MAP4K5: variants seen among roughly 807,000 people sequenced by gnomAD.
MAP4K5 encodes the protein MAPK/ERK kinase kinase kinase 5.
MAP4K5 carries 82 observed loss-of-function variants against 135.6 expected under a neutral mutation model. The observed-to-expected ratio is 0.60, with a 90% CI of 0.51 to 0.73. The LOEUF (loss-of-function observed/expected upper bound fraction) is 0.73. MAP4K5 is among the 30% of genes least tolerant of loss of function. MAP4K5 has a pLI of 0.00. For synonymous variants in MAP4K5, 347 were observed against 335.0 expected (o/e 1.04, Z -0.39); for missense variants, 907 against 1,010.9 (o/e 0.90, Z 1.39).
intron 23 of MAP4K5, 125 bp from the exon 24 acceptor site, chr14:50,438,219 T>G (rs2036143144): frequency 1.9e-6 from 1 of 532,418 alleles, no homozygotes; most frequent in Non-Finnish European, 3.4e-6. Context: ...ACAGATAATT[T>G]TAATTCAGAA....
chr14:50,549,042 G>C (rs1481857223), intron 1 of MAP4K5, among the ~76,000 whole-genome samples: 1 of 152,058 alleles, frequency 6.6e-6, no homozygotes, highest in Non-Finnish European at 1.5e-5. Context: ...ACAACAAAGG[G>C]GTGCCCTGTG....
At chr14:50,432,178 T>C (rs1274287408) in intron 28 of MAP4K5, among the ~76,000 whole-genome samples, 2 of 152,246 alleles carry the variant, frequency 1.3e-5, no homozygotes, top group Non-Finnish European at 2.9e-5. Flanking sequence ...TAAATCAGAC[T>C]GAGCCTAAAA....
chr14:50,481,981 C>T (rs984739565), intron 6 of MAP4K5, among the ~76,000 whole-genome samples: 4 of 152,148 alleles, frequency 2.6e-5, no homozygotes, highest in South Asian at 2.1e-4. Flanking sequence ...TTGAAGGGAA[C>T]GCTTAGACAA....
At chr14:50,499,009 C>T (rs939861177) in intron 3 of MAP4K5, among the ~76,000 whole-genome samples, 3 of 151,796 alleles carry the variant, frequency 2.0e-5, no homozygotes, top group Non-Finnish European at 4.4e-5. Flanking sequence ...ATTAGCATAC[C>T]ATCATATTTT....
intron 8 of MAP4K5, 123 bp from the exon 9 acceptor site, chr14:50,475,272 A>T: frequency 1.4e-6 from 1 of 702,976 alleles, no homozygotes; most frequent in Admixed American, 2.2e-5. Flanking sequence ...ATGCGCATAA[A>T]TTGAATACCT....
chr14:50,504,911 T>A, intron 2 of MAP4K5, 54 bp from the exon 3 acceptor site: 3 of 1,112,762 alleles, frequency 2.7e-6, no homozygotes, highest in Non-Finnish European at 3.9e-6. Flanking sequence ...GTTAATTACA[T>A]TAAAATTACT....
intron 1 of MAP4K5, among the ~76,000 whole-genome samples, chr14:50,557,474 C>A (rs945063386): frequency 1.1e-4 from 16 of 152,156 alleles, no homozygotes; most frequent in Non-Finnish European, 8.8e-5. Context: ...CCTCATTTAA[C>A]ATTGTATTCT....
chr14:50,474,868 G>C (rs1344776800), intron 9 of MAP4K5, among the ~76,000 whole-genome samples: 8 of 152,202 alleles, frequency 5.3e-5, no homozygotes, highest in Non-Finnish European at 1.5e-5. Flanking sequence ...CACAGGGATA[G>C]TAAAAATTAT....
chr14:50,506,232 G>A (rs2037807025), intron 2 of MAP4K5, among the ~76,000 whole-genome samples: 1 of 152,198 alleles, frequency 6.6e-6, no homozygotes, highest in Admixed American at 6.5e-5. Flanking sequence ...ATAAAGTAGG[G>A]AAGAGTGCCT....
At chr14:50,496,251 G>A (rs180989809) in intron 3 of MAP4K5, among the ~76,000 whole-genome samples, 20 of 152,068 alleles carry the variant, frequency 1.3e-4, no homozygotes, top group East Asian at 3.9e-4. Flanking sequence ...GCTTGATCCC[G>A]GGAGGTGGAG....
chr14:50,444,803 A>G (rs1205121901), intron 18 of MAP4K5, among the ~76,000 whole-genome samples: 2 of 152,200 alleles, frequency 1.3e-5, no homozygotes, highest in African/African-American at 4.8e-5. Context: ...CCTATAATAA[A>G]TATTTAGTAA....
At chr14:50,556,045 G>A (rs1032140398) in intron 1 of MAP4K5, among the ~76,000 whole-genome samples, 14 of 152,096 alleles carry the variant, frequency 9.2e-5, no homozygotes, top group Non-Finnish European at 1.5e-5. Flanking sequence ...GTAACATCCC[G>A]GAAGAGTCAG....
intron 13 of MAP4K5, among the ~76,000 whole-genome samples, chr14:50,462,328 C>G (rs1043583895): frequency 2.0e-5 from 3 of 152,144 alleles, no homozygotes; most frequent in Non-Finnish European, 4.4e-5. Context: ...AAAGGGAAAG[C>G]ACCTCTGCAT....
intron 3 of MAP4K5, among the ~76,000 whole-genome samples, chr14:50,490,123 G>C (rs1057447777): frequency 5.0e-5 from 5 of 99,854 alleles, no homozygotes; most frequent in African/African-American, 2.1e-4. Flanking sequence ...GACAGAGAGC[G>C]AGTGAGAGTG....
intron 5 of MAP4K5, among the ~76,000 whole-genome samples, chr14:50,483,837 C>CATTTATTTATTTATTT (rs72048369): frequency 8.3e-5 from 12 of 144,296 alleles, no homozygotes; most frequent in South Asian, 4.5e-4. Flanking sequence ...ACAGCAATTC[C>CATTTATTTATTTATTT]ATTTATTTAT....
intron 13 of MAP4K5, among the ~76,000 whole-genome samples, chr14:50,457,493 A>G (rs1252150924): frequency 6.6e-6 from 1 of 152,142 alleles, no homozygotes; most frequent in African/African-American, 2.4e-5. Context: ...ACTCACTGTC[A>G]TTCACTGATG....
chr14:50,542,893 C>A (rs1020013065), intron 1 of MAP4K5, among the ~76,000 whole-genome samples: 1 of 152,180 alleles, frequency 6.6e-6, no homozygotes, highest in African/African-American at 2.4e-5. Context: ...AAGAGCTGAT[C>A]TGAGGTATGG....
intron 10 of MAP4K5, among the ~76,000 whole-genome samples, chr14:50,467,738 T>C (rs1440525470): frequency 1.3e-5 from 2 of 152,148 alleles, no homozygotes; most frequent in African/African-American, 2.4e-5. Flanking sequence ...AAAGTATTTT[T>C]CCAAAAGGTC....
At chr14:50,481,293 T>C (rs988951757) in intron 6 of MAP4K5, among the ~76,000 whole-genome samples, 1 of 145,638 alleles carries the variant, frequency 6.9e-6, no homozygotes, top group Non-Finnish European at 1.5e-5. Flanking sequence ...TACACATCTC[T>C]ATATATATAT....
Sources: gnomAD v4.1 joint callset for allele counts (sites outside exome capture counted in the v4.1 genomes callset) on GRCh38, gnomAD v4.1.1 for gene constraint, MANE v1.5 for transcripts, NCBI Gene and HGNC (gene_info 2026-07-23, HGNC 2026-07-21) for gene names.